The following ZFHX3 variants were observed in gnomAD, a reference collection of about 807,000 sequenced individuals.
The protein encoded by ZFHX3 is zinc finger homeobox 3.
In ZFHX3, 42 loss-of-function variants were observed where a neutral mutation model predicts 279.1. The observed-to-expected ratio is 0.15, with a 90% CI of 0.12 to 0.19. The LOEUF is 0.19. ZFHX3 is among the 10% of genes least tolerant of loss of function. The pLI is 1.00. For synonymous variants in ZFHX3, 2,293 were observed against 1,957.8 expected (o/e 1.17, Z -4.52); for missense variants, 4,981 against 4,754.0 (o/e 1.05, Z -1.40).
intron 2 of ZFHX3, among the ~76,000 whole-genome samples, chr16:73,562,898 C>T (rs1276821847): frequency 2.0e-5 from 3 of 152,108 alleles, no homozygotes; most frequent in Non-Finnish European, 4.4e-5. Flanking sequence ...TCAGAATCCA[C>T]CCCCTAGCAA....
At chr16:73,491,168 C>T (rs1463608493) in intron 2 of ZFHX3, among the ~76,000 whole-genome samples, 1 of 152,190 alleles carries the variant, frequency 6.6e-6, no homozygotes, top group Non-Finnish European at 1.5e-5. Context: ...ATATCACATC[C>T]ACACAAAAGC....
chr16:73,104,628 G>T (rs548419981), intron 7 of ZFHX3, among the ~76,000 whole-genome samples: 1 of 152,296 alleles, frequency 6.6e-6, no homozygotes, highest in South Asian at 2.1e-4. Flanking sequence ...ACCACATGAG[G>T]CTGGTTCATA....
Position 73,438,077 on chromosome 16 carries a change from A to G in ZFHX3, c.-1291+17926T>C, listed in dbSNP as rs570180913. On this transcript the variant is annotated intron_variant, in intron 3 of 17. Transcript: ENST00000641206. ...TCAAGTGGTTCTGGGATCGCTCTAAACCTAAAAAAAAAAATGGCAAATGTG... is the reference window on the plus strand; with the variant it reads ...TCAAGTGGTTCTGGGATCGCTCTAAGCCTAAAAAAAAAAATGGCAAATGTG... 8.8e-4 allele frequency among the ~76,000 whole-genome samples: 133 copies of G among 151,076 alleles called. 1 individual carries two copies. Among genetic ancestry groups the G allele is most frequent in the Non-Finnish European group, 1.5e-3 (103 of 68,014 alleles).
At chr16:73,261,853 T>G (rs1241685678) in intron 4 of ZFHX3, among the ~76,000 whole-genome samples, 1 of 152,046 alleles carries the variant, frequency 6.6e-6, no homozygotes, top group Non-Finnish European at 1.5e-5. Context: ...TTTTTTATTT[T>G]TAGCAGAGAC....
At chr16:72,925,229 C>T (rs775708818) in intron 3 of ZFHX3, among the ~76,000 whole-genome samples, 5 of 152,230 alleles carry the variant, frequency 3.3e-5, no homozygotes, top group Non-Finnish European at 7.3e-5. Flanking sequence ...ACTCTTCCCC[C>T]ACTTCCCAGA....
chr16:72,940,217 T>C (rs1298242785), intron 3 of ZFHX3, among the ~76,000 whole-genome samples: 2 of 152,164 alleles, frequency 1.3e-5, no homozygotes, highest in Non-Finnish European at 2.9e-5. Flanking sequence ...ACAAGTTTTT[T>C]AGTAACACAT....
At chr16:73,284,830 T>TC (rs1231838330) in intron 4 of ZFHX3, among the ~76,000 whole-genome samples, 1 of 152,174 alleles carries the variant, frequency 6.6e-6, no homozygotes, top group East Asian at 1.9e-4. Context: ...TTCTTTTTTT[T>TC]CCCAGGGTGC....
At chr16:72,862,502 T>C (rs554439093) in intron 4 of ZFHX3, among the ~76,000 whole-genome samples, 9 of 152,288 alleles carry the variant, frequency 5.9e-5, no homozygotes, top group South Asian at 4.1e-4. Context: ...AATAATAGAA[T>C]GAGAATATCA....
chr16:73,831,112 A>G (rs758052804), intron 1 of ZFHX3, among the ~76,000 whole-genome samples: 3 of 152,240 alleles, frequency 2.0e-5, no homozygotes, highest in Non-Finnish European at 4.4e-5. Flanking sequence ...ATAAAAATCT[A>G]CAAACATTCT....
At chr16:73,363,043 C>T (rs1361569465) in intron 3 of ZFHX3, among the ~76,000 whole-genome samples, 1 of 152,182 alleles carries the variant, frequency 6.6e-6, no homozygotes, top group Non-Finnish European at 1.5e-5. Flanking sequence ...CTGGGCTGGC[C>T]TCATGCCTTT....
chr16:73,879,267 G>T (rs1369391266), intron 1 of ZFHX3, among the ~76,000 whole-genome samples: 1 of 147,362 alleles, frequency 6.8e-6, no homozygotes. Context: ...CTACCATCGT[G>T]GTCAGGAGCA....
At chr16:73,862,711 A>T (rs1299813992) in intron 1 of ZFHX3, among the ~76,000 whole-genome samples, 1 of 152,094 alleles carries the variant, frequency 6.6e-6, no homozygotes, top group Non-Finnish European at 1.5e-5. Flanking sequence ...CAGGAGGAAG[A>T]GGCTGTAGAG....
intron 1 of ZFHX3, among the ~76,000 whole-genome samples, chr16:73,816,497 T>C (rs1285270839): frequency 3.3e-5 from 5 of 152,220 alleles, no homozygotes; most frequent in Non-Finnish European, 7.3e-5. Context: ...TGCTTTCACT[T>C]TGCAATGGCA....
chr16:72,889,892 G>T lies in ZFHX3; in HGVS notation c.3287C>A (p.Ser1096Tyr). ...CYYHCVLCNYSTKAKLNLIQH... is the reference protein window; with the variant it reads ...CYYHCVLCNYYTKAKLNLIQH... ...GATGAGGTTGAGCTTGGCCTTGGTG[G>T]AGTAGTTGCACAGAACGCAGTGGTA... The change falls in exon 4 of 10, where the codon TCC (serine) becomes TAC (tyrosine). Residue 1096 changes from serine to tyrosine, a missense_variant. This residue lies in a region of ZFHX3 where 1,751 missense variants were observed against 1,770.0 expected (regional missense o/e 0.99). Coordinates refer to ENST00000268489, the MANE Select transcript of ZFHX3 (RefSeq NM_006885.4). 1 of 1,614,152 alleles carries T rather than the reference G, an allele frequency of 6.2e-7. No individual in the cohort carries two copies. Among genetic ancestry groups the T allele is most frequent in the Non-Finnish European group, 8.5e-7 (1 of 1,180,048 alleles).
chr16:72,872,472 T>G (rs1218393341), intron 4 of ZFHX3, among the ~76,000 whole-genome samples: 1 of 152,206 alleles, frequency 6.6e-6, no homozygotes, highest in Admixed American at 6.5e-5. Flanking sequence ...GTTTTGCTTT[T>G]TTTGAGACAG....
chr16:72,811,741 C>T lies in ZFHX3; in HGVS notation c.3700G>A (p.Asp1234Asn), dbSNP rs148354034. The change falls in exon 7 of 10, where the codon GAT becomes AAT. Residue 1234 changes from aspartate (D) to asparagine (N), a missense_variant. Transcript: ENST00000268489. ...GCATGCACCCGGAGCCGGTTGACAT[C>T]GGCATTACTGTACTTGCAGTAGGGA... ...QCPYCKYSNA[D>N]VNRLRVHAMT... is the part of the protein sequence containing the mutation. The T allele has an allele frequency of 1.0e-4, 167 of 1,613,866 alleles. No homozygotes were observed. Among genetic ancestry groups the T allele is most frequent in the Middle Eastern group, 1.7e-4 (1 of 6,042 alleles).
chr16:73,772,661 G>A (rs1288286845), intron 1 of ZFHX3, among the ~76,000 whole-genome samples: 2 of 152,132 alleles, frequency 1.3e-5, no homozygotes, highest in Non-Finnish European at 2.9e-5. Context: ...CCTGAGTAAG[G>A]AACTGTGTAT....
At chr16:73,680,536 A>G (rs2052999354) in intron 1 of ZFHX3, among the ~76,000 whole-genome samples, 1 of 152,218 alleles carries the variant, frequency 6.6e-6, no homozygotes. Flanking sequence ...ATTAACCAAT[A>G]CATTTTTAAT....
chr16:73,663,303 T>C (rs575523388), intron 2 of ZFHX3, among the ~76,000 whole-genome samples: 15 of 152,310 alleles, frequency 9.8e-5, no homozygotes, highest in African/African-American at 3.6e-4. Flanking sequence ...GCAGGTCATT[T>C]CTCAAAGCCA....
Sources: allele counts gnomAD v4.1 joint callset (sites outside exome capture counted in the v4.1 genomes callset), GRCh38; gene constraint gnomAD v4.1.1; regional missense constraint gnomAD v4.1.1; transcripts MANE v1.5; gene names NCBI Gene and HGNC (gene_info 2026-07-23, HGNC 2026-07-21).